The following PHACTR3 variants were observed in gnomAD, a reference collection of about 807,000 sequenced individuals.
PHACTR3 encodes protein phosphatase 1, regulatory subunit 123.
In PHACTR3, 16 loss-of-function variants were observed where a neutral mutation model predicts 66.8. That is an observed-to-expected ratio of 0.24 (90% confidence interval 0.16 to 0.36). The LOEUF (loss-of-function observed/expected upper bound fraction) is 0.36, where lower values mean the gene tolerates loss of function less well. PHACTR3 is among the 10% of genes least tolerant of loss of function. PHACTR3 has a pLI of 1.00. For synonymous variants in PHACTR3, 323 were observed against 292.1 expected (o/e 1.11, Z -1.08); for missense variants, 647 against 719.9 (o/e 0.90, Z 1.16).
intron 1 of PHACTR3, among the ~76,000 whole-genome samples, chr20:59,658,958 T>C (rs1568683052): frequency 1.3e-5 from 2 of 151,896 alleles, no homozygotes; most frequent in South Asian, 2.1e-4. Flanking sequence ...CTTGTCTTTT[T>C]TTTTTTTTTT....
At chr20:59,651,485 A>C (rs2035457369) in intron 1 of PHACTR3, among the ~76,000 whole-genome samples, 1 of 152,224 alleles carries the variant, frequency 6.6e-6, no homozygotes, top group African/African-American at 2.4e-5. Context: ...TATGGAAGGA[A>C]ATCTGGCTAT....
intron 8 of PHACTR3, among the ~76,000 whole-genome samples, chr20:59,827,017 C>G (rs1350347335): frequency 1.3e-5 from 2 of 152,182 alleles, no homozygotes; most frequent in African/African-American, 4.8e-5. Context: ...CTCCTTCCCT[C>G]CCATAGTTCT....
intron 1 of PHACTR3, among the ~76,000 whole-genome samples, chr20:59,714,077 T>C (rs2038004684): frequency 6.6e-6 from 1 of 152,230 alleles, no homozygotes. Flanking sequence ...TGTTGAGTTT[T>C]TTGAAAGTTT....
intron 1 of PHACTR3, among the ~76,000 whole-genome samples, chr20:59,621,450 A>G (rs944692518): frequency 2.6e-5 from 4 of 152,236 alleles, no homozygotes; most frequent in African/African-American, 9.6e-5. Flanking sequence ...CCACAGTGTC[A>G]GGGCTGGGAG....
intron 1 of PHACTR3, among the ~76,000 whole-genome samples, chr20:59,590,978 ATTTAT>A (rs2033165926): frequency 6.6e-6 from 1 of 152,198 alleles, no homozygotes; most frequent in African/African-American, 2.4e-5. Flanking sequence ...GGCTGTTGAA[ATTTAT>A]TTTAATGTTA....
Position 59,820,630 on chromosome 20 carries a change from G to C in PHACTR3, c.1328+14436G>C, listed in dbSNP as rs1344293800. Among the ~76,000 whole-genome samples the C allele has an allele frequency of 6.6e-6, 1 of 152,190 alleles. No individual in the cohort carries two copies. Among genetic ancestry groups the C allele is most frequent in the Non-Finnish European group, 1.5e-5 (1 of 68,042 alleles). ...GAGTCCCATCCTGTGCAGGGGAGAG[G>C]CTCAGGCCCCTTCTGTGCAGTGTCA... On this transcript the variant is annotated intron_variant, in intron 8 of 12. Transcript: ENST00000371015. This position sits in a 1 kb window ranked among gnomAD's most constrained non-coding sequence, Gnocchi z 4.6.
intron 1 of PHACTR3, among the ~76,000 whole-genome samples, chr20:59,618,814 G>T (rs1024429551): frequency 1.3e-5 from 2 of 152,048 alleles, no homozygotes; most frequent in African/African-American, 2.4e-5. Flanking sequence ...CCCTGAGCAG[G>T]GCCGAGAGCC....
intron 2 of PHACTR3, 137 bp from the exon 3 acceptor site, chr20:59,747,621 T>C (rs1284862730): frequency 2.8e-5 from 25 of 891,092 alleles, no homozygotes; most frequent in Non-Finnish European, 4.4e-5. Context: ...GCCAGTGGAC[T>C]AGGCCCCCTA....
chr20:59,729,865 T>C (rs781354574), intron 1 of PHACTR3, among the ~76,000 whole-genome samples: 2 of 152,174 alleles, frequency 1.3e-5, no homozygotes, highest in East Asian at 1.9e-4. Context: ...TCCTTGGCTC[T>C]TGGGTGAAAA....
At chr20:59,582,795 G>A (rs548413491) in intron 1 of PHACTR3, among the ~76,000 whole-genome samples, 11 of 152,176 alleles carry the variant, frequency 7.2e-5, no homozygotes, top group South Asian at 6.2e-4. Flanking sequence ...TGTGAGCGCC[G>A]TCGATCTGAT....
At chr20:59,804,974 C>T (rs189461829) in intron 7 of PHACTR3, among the ~76,000 whole-genome samples, 75 of 152,276 alleles carry the variant, frequency 4.9e-4, no homozygotes, top group Admixed American at 1.8e-3. Flanking sequence ...AATTAAATCC[C>T]GGCCCAAAAA....
chr20:59,774,304 A>C lies in PHACTR3; in HGVS notation c.988A>C (p.Thr330Pro), dbSNP rs1371140097. ...GCGGCTGGATGTCCGTCTGTCGAGA[A>C]CGTCCAGCGTGGAGCGGGGCAAGGA... Reference protein sequence around the residue: ...KKRLDVRLSRTSSVERGKERE... With the variant: ...KKRLDVRLSRPSSVERGKERE... The change falls in exon 7 of 13, where the codon ACG becomes CCG. Residue 330 changes from threonine (T) to proline (P), a missense_variant. Transcript: ENST00000371015. The C allele has an allele frequency of 5.6e-6, 9 of 1,613,416 alleles. No individual in the cohort carries two copies. The highest frequency in any genetic ancestry group is 7.6e-6 in the Non-Finnish European group (9 of 1,179,840).
At chr20:59,774,555 C>G in intron 7 of PHACTR3, 65 bp downstream of exon 7, 2 of 1,556,272 alleles carry the variant, frequency 1.3e-6, no homozygotes, top group South Asian at 2.5e-5. Context: ...ACCAGGGGGT[C>G]GAGGACAGAG....
At chr20:59,604,526 C>A, upstream of PHACTR3, 1 of 684,606 alleles carries the variant, frequency 1.5e-6, no homozygotes, top group Non-Finnish European at 1.8e-6. Flanking sequence ...ACAGATGCTC[C>A]AAGAACAGCT....
At chr20:59,753,546 C>G (rs1473828446) in intron 3 of PHACTR3, among the ~76,000 whole-genome samples, 1 of 152,198 alleles carries the variant, frequency 6.6e-6, no homozygotes, top group East Asian at 1.9e-4. Context: ...CCAGATCACT[C>G]TTGTCACCCT....
At chr20:59,662,721 G>C (rs1293971609) in intron 1 of PHACTR3, among the ~76,000 whole-genome samples, 1 of 152,112 alleles carries the variant, frequency 6.6e-6, no homozygotes, top group African/African-American at 2.4e-5. Flanking sequence ...TACAGGGCAC[G>C]GTGGCCGTTT....
At chr20:59,604,013 GA>G, upstream of PHACTR3, 1 of 152,582 alleles carries the variant, frequency 6.6e-6, no homozygotes, top group Non-Finnish European at 1.5e-5. Flanking sequence ...GGCGTCTGAG[GA>G]AAAGCCTCAT....
chr20:59,757,886 C>A (rs2039860646), intron 4 of PHACTR3, among the ~76,000 whole-genome samples: 1 of 152,154 alleles, frequency 6.6e-6, no homozygotes, highest in African/African-American at 2.4e-5. Context: ...GGGAGGATAG[C>A]CTGAGCCCGG....
Position 59,736,343 on chromosome 20 carries a change from G to C in PHACTR3, c.119-6764G>C, listed in dbSNP as rs2038943122. ...AGAGTCTCTCCAGTGTGAGAAGGCA[G>C]TTCCTCAGGAACTGCAGGGAGAGAC... On this transcript the variant is annotated intron_variant, in intron 1 of 12. Transcript: ENST00000371015. This position sits in a 1 kb window ranked among gnomAD's most constrained non-coding sequence, Gnocchi z 4.6. Among the ~76,000 whole-genome samples, 1 of 152,148 alleles carries C rather than the reference G, an allele frequency of 6.6e-6. No homozygotes were observed. Among genetic ancestry groups the C allele is most frequent in the South Asian group, 2.1e-4 (1 of 4,824 alleles).
Sources: gnomAD v4.1 joint callset for allele counts (sites outside exome capture counted in the v4.1 genomes callset) on GRCh38, gnomAD v4.1.1 for gene constraint, Gnocchi (gnomAD v3.1) non-coding constraint, MANE v1.5 for transcripts, NCBI Gene and HGNC (gene_info 2026-07-23, HGNC 2026-07-21) for gene names.